Variants in MSL2 observed in about 807,000 individuals in gnomAD.
MSL2 encodes the protein E3 ubiquitin-protein ligase MSL2.
MSL2 carries 2 observed loss-of-function variants against 35.8 expected under a neutral mutation model. The observed-to-expected ratio is 0.06, with a 90% CI of 0.02 to 0.18. The LOEUF is 0.18. MSL2 is among the 10% of genes least tolerant of loss of function. MSL2 has a pLI of 1.00. For synonymous variants in MSL2, 296 were observed against 255.7 expected (o/e 1.16, Z -1.50); for missense variants, 523 against 706.7 (o/e 0.74, Z 2.95).
intron 1 of MSL2, among the ~76,000 whole-genome samples, chr3:136,193,348 T>C (rs1203299676): frequency 3.3e-5 from 5 of 152,120 alleles, no homozygotes; most frequent in Non-Finnish European, 7.4e-5. Flanking sequence ...GAGCTAAGTT[T>C]CACCCATCTA....
In MSL2 at chr3:136,180,692, T is replaced by G. The variant is rs534850946; in HGVS notation, c.142+14280A>C. On this transcript the variant is annotated intron_variant, in intron 1 of 1. Coordinates refer to ENST00000309993, the MANE Select transcript of MSL2 (RefSeq NM_018133.4). The stretch of plus-strand genomic sequence containing the variant: ...TCCAGCCTGGGCGACAGAGCAAGAC[T>G]CCGTCTCAGAAAAAAAAGAAAAAAC... Among the ~76,000 whole-genome samples, 4 of 146,194 alleles carry G rather than the reference T, an allele frequency of 2.7e-5. No individual in the cohort carries two copies. The South Asian group carries it at 8.9e-4, about 33-fold the overall frequency.
intron 1 of MSL2, among the ~76,000 whole-genome samples, chr3:136,165,618 G>A (rs1263333229): frequency 6.6e-6 from 1 of 152,074 alleles, no homozygotes; most frequent in Non-Finnish European, 1.5e-5. Context: ...CTTTCAAACA[G>A]ACAAAAGAAC....
rs1168658429 is a variant in MSL2, at chr3:136,151,026, A to T, written c.*121T>A. The stretch of plus-strand genomic sequence containing the variant: ...CACTAACACATATAACTTAGCAATG[A>T]AAACACTTGATACAAGTGATCTATA... On this transcript the variant is annotated 3_prime_UTR_variant, in exon 2 of 2. Transcript: ENST00000309993. The surrounding 1 kb of genome is among the most constrained non-coding windows in gnomAD (Gnocchi z 5.2). 3.6e-6 allele frequency: 4 copies of T among 1,114,390 alleles called. No homozygotes were observed. The African/African-American group carries it at 6.3e-5, about 17-fold the overall frequency. The allele number at this position is 1,114,390 out of a possible 1,614,324, so 69.0% of individuals were successfully genotyped here.
intron 1 of MSL2, among the ~76,000 whole-genome samples, chr3:136,160,953 G>A (rs1408094003): frequency 1.3e-5 from 2 of 151,906 alleles, no homozygotes; most frequent in Non-Finnish European, 2.9e-5. Context: ...CAGGCATGGT[G>A]GTGCATGCCT....
In MSL2 at chr3:136,158,244, G is replaced by A. The variant is rs532999063; in HGVS notation, c.143-5506C>T. ...GGAGAATCGCTTCAATCCAGGAGGC[G>A]GAGGCTGCGGTGAGCCGAGATCATG... On this transcript the variant is annotated intron_variant, in intron 1 of 1. Coordinates refer to ENST00000309993, the MANE Select transcript of MSL2 (RefSeq NM_018133.4). Among the ~76,000 whole-genome samples the A allele has an allele frequency of 6.6e-5, 10 of 151,270 alleles. No homozygotes were observed. In the South Asian group the frequency reaches 8.3e-4, roughly 13 times the overall value.
chr3:136,186,727 T>A (rs552940751), intron 1 of MSL2, among the ~76,000 whole-genome samples: 5 of 152,182 alleles, frequency 3.3e-5, no homozygotes, highest in African/African-American at 4.8e-5. Context: ...TAATCCTACA[T>A]TATAGTGAAC....
rs926844683 is a variant in MSL2, at chr3:136,195,404, G to A, written c.-291C>T. 4.4e-6 allele frequency: 5 copies of A among 1,139,072 alleles called. No individual in the cohort carries two copies. Among genetic ancestry groups the A allele is most frequent in the African/African-American group, 1.6e-5 (1 of 60,762 alleles). The allele number at this position is 1,139,072 out of a possible 1,614,324, so 70.6% of individuals were successfully genotyped here. A position where few individuals can be genotyped will look rare whatever the true frequency, so the allele number is the denominator to read the frequency against. The stretch of plus-strand genomic sequence containing the variant: ...CACAGAGCGCAGAACGCGGCGGCTT[G>A]GGCGCTCGGGGCGGGACTCGGAGCT... On this transcript the variant is annotated 5_prime_UTR_variant, in exon 1 of 2. Transcript: ENST00000309993.
Position 136,195,604 on chromosome 3 carries a change from AGGCGGC to A in MSL2, c.-497_-492del. 6.1e-6 allele frequency: 6 copies of A among 986,392 alleles called. No individual in the cohort carries two copies. The highest frequency in any genetic ancestry group is 7.2e-6 in the Non-Finnish European group (6 of 830,622). 61.1% of individuals were successfully genotyped at this position (986,392 alleles called of 1,614,324 possible). ...TACTCCATCCCAGTACAGGGCGCGG[AGGCGGC>A]GGCGACGGCAAGGACGACGGTCGGG... On this transcript the variant is annotated 5_prime_UTR_variant, in exon 1 of 2. Transcript: ENST00000309993.
At chr3:136,170,628 C>A (rs1939999975) in intron 1 of MSL2, among the ~76,000 whole-genome samples, 1 of 150,078 alleles carries the variant, frequency 6.7e-6, no homozygotes, top group Non-Finnish European at 1.5e-5. Flanking sequence ...CCTGCCTCAG[C>A]CTCCCGAGTA....
chr3:136,175,027 T>C (rs936272884), intron 1 of MSL2, among the ~76,000 whole-genome samples: 6 of 152,178 alleles, frequency 3.9e-5, no homozygotes, highest in African/African-American at 1.2e-4. Context: ...TCTATTTCTC[T>C]TGTGGTATGA....
At chr3:136,191,940 C>CAAA (rs1940701881) in intron 1 of MSL2, among the ~76,000 whole-genome samples, 1 of 152,142 alleles carries the variant, frequency 6.6e-6, no homozygotes, top group Non-Finnish European at 1.5e-5. Context: ...AGGGCTTTTT[C>CAAA]CCTCCCTCAC....
rs547553951 is a variant in MSL2 at position 136,189,593 on chromosome 3, G to A, written c.142+5379C>T. On this transcript the variant is annotated intron_variant, in intron 1 of 1. Coordinates refer to ENST00000309993, the MANE Select transcript of MSL2 (RefSeq NM_018133.4). ...CAAAAAATTAGCCGGGCGAGGTGGCGGGTGCCTGCAGTCCCAGCTACTCAG... is the reference window on the plus strand; with the variant it reads ...CAAAAAATTAGCCGGGCGAGGTGGCAGGTGCCTGCAGTCCCAGCTACTCAG... Among the ~76,000 whole-genome samples, 131 of 151,010 alleles carry A rather than the reference G, an allele frequency of 8.7e-4. 1 individual carries two copies. The South Asian group carries it at 0.02, about 23-fold the overall frequency.
intron 1 of MSL2, among the ~76,000 whole-genome samples, chr3:136,167,353 T>A (rs867234966): frequency 5.3e-5 from 8 of 149,680 alleles, no homozygotes; most frequent in African/African-American, 1.2e-4. Context: ...AAAAAAAAAA[T>A]ATCAAGGAAT....
At chr3:136,192,815 T>A (rs1207083835) in intron 1 of MSL2, among the ~76,000 whole-genome samples, 2 of 152,206 alleles carry the variant, frequency 1.3e-5, no homozygotes, top group African/African-American at 4.8e-5. Flanking sequence ...ATCCACGAAT[T>A]TGAATGCACT....
Position 136,195,375 on chromosome 3 carries a change from C to A in MSL2, c.-262G>T. ...AACCAGCGTTCGAGTTCGTCCGGAG[C>A]GACCACAGAGCGCAGAACGCGGCGG... On this transcript the variant is annotated 5_prime_UTR_variant, in exon 1 of 2. Transcript: ENST00000309993. 1 of 1,215,116 alleles carries A rather than the reference C, an allele frequency of 8.2e-7. No individual in the cohort carries two copies. The highest frequency in any genetic ancestry group is 2.1e-5 in the South Asian group (1 of 47,786). 75.3% of individuals were successfully genotyped at this position (1,215,116 alleles called of 1,614,324 possible). A position where few individuals can be genotyped will look rare whatever the true frequency, so the allele number is the denominator to read the frequency against.
At chr3:136,164,941 T>C (rs1231594325) in intron 1 of MSL2, among the ~76,000 whole-genome samples, 1 of 152,082 alleles carries the variant, frequency 6.6e-6, no homozygotes, top group East Asian at 1.9e-4. Context: ...TGGCGTGATC[T>C]TGGCTCACCG....
intron 1 of MSL2, among the ~76,000 whole-genome samples, chr3:136,180,771 AGGGAG>A (rs1559969142): frequency 2.5e-5 from 1 of 39,454 alleles, no homozygotes; most frequent in Non-Finnish European, 4.6e-5. Context: ...GGAGGGAGGG[AGGGAG>A]GGAGGGAGGG....
At chr3:136,191,220 G>C (rs1279134483) in intron 1 of MSL2, among the ~76,000 whole-genome samples, 1 of 152,134 alleles carries the variant, frequency 6.6e-6, no homozygotes, top group Non-Finnish European at 1.5e-5. Context: ...TGTAATCCCA[G>C]CACTTTGGAA....
intron 1 of MSL2, among the ~76,000 whole-genome samples, chr3:136,159,672 GGA>G (rs1156454290): frequency 6.6e-6 from 1 of 151,692 alleles, no homozygotes; most frequent in Non-Finnish European, 1.5e-5. Context: ...GCCTGGCCAA[GGA>G]GAGTATTTTC....
Sources: allele counts gnomAD v4.1 joint callset (sites outside exome capture counted in the v4.1 genomes callset), GRCh38; gene constraint gnomAD v4.1.1; non-coding constraint Gnocchi (gnomAD v3.1); transcripts MANE v1.5; gene names NCBI Gene and HGNC (gene_info 2026-07-23, HGNC 2026-07-21).